The following TMEM62 variants were observed in gnomAD, a reference collection of about 807,000 sequenced individuals.
The protein encoded by TMEM62 is transmembrane protein 62.
Under a neutral mutation model 70.4 loss-of-function variants are expected in TMEM62, and 41 were observed. That is an observed-to-expected ratio of 0.58 (90% CI 0.45 to 0.76). The LOEUF (loss-of-function observed/expected upper bound fraction) is 0.76, where lower values mean the gene tolerates loss of function less well. Among genes scored for constraint, TMEM62 ranks in the 30% least tolerant of loss-of-function variants. The pLI is 0.00. For synonymous variants in TMEM62, 268 were observed against 291.0 expected (o/e 0.92, Z 0.80); for missense variants, 688 against 788.5 (o/e 0.87, Z 1.53).
At chr15:43,160,608 C>A in intron 9 of TMEM62, 73 bp from the exon 10 acceptor site, 1 of 758,710 alleles carries the variant, frequency 1.3e-6, no homozygotes, top group Non-Finnish European at 2.1e-6. Context: ...GAAACCTATT[C>A]TTATTTTAAT....
intron 5 of TMEM62, among the ~76,000 whole-genome samples, chr15:43,147,656 GC>G (rs1032306320): frequency 6.6e-6 from 1 of 152,200 alleles, no homozygotes; most frequent in African/African-American, 2.4e-5. Context: ...ATTGTCAAAT[GC>G]ATTGTGTTAC....
At chr15:43,159,147 C>T (rs1397423845) in intron 9 of TMEM62, among the ~76,000 whole-genome samples, 1 of 152,110 alleles carries the variant, frequency 6.6e-6, no homozygotes. Context: ...CTGTGGGTTA[C>T]ATGAGGTGTT....
intron 11 of TMEM62, among the ~76,000 whole-genome samples, chr15:43,178,290 T>C (rs2040977271): frequency 6.6e-6 from 1 of 151,966 alleles, no homozygotes; most frequent in South Asian, 2.1e-4. Flanking sequence ...TATATGTATA[T>C]GTACATATAT....
At chr15:43,152,928 A>T (rs552159643) in intron 8 of TMEM62, among the ~76,000 whole-genome samples, 2 of 152,284 alleles carry the variant, frequency 1.3e-5, no homozygotes, top group South Asian at 4.1e-4. Flanking sequence ...ATTTCTTCTC[A>T]GGCATTCTCT....
intron 11 of TMEM62, among the ~76,000 whole-genome samples, chr15:43,176,154 C>T (rs1242035899): frequency 6.6e-6 from 1 of 152,272 alleles, no homozygotes; most frequent in South Asian, 2.1e-4. Context: ...ATTGCCCAGG[C>T]TTGCTTAGGT....
intron 12 of TMEM62, among the ~76,000 whole-genome samples, chr15:43,179,303 A>G (rs1003734256): frequency 5.9e-5 from 9 of 152,238 alleles, no homozygotes; most frequent in Non-Finnish European, 1.5e-5. Flanking sequence ...TTGAATATTT[A>G]CTAATGTGTG....
intron 10 of TMEM62, among the ~76,000 whole-genome samples, chr15:43,167,284 G>A (rs1369126414): frequency 3.3e-5 from 5 of 150,892 alleles, no homozygotes; most frequent in Admixed American, 6.6e-5. Flanking sequence ...CCTCCCTCCC[G>A]GACGGGGTGG....
At chr15:43,155,624 A>T (rs2037956649) in intron 9 of TMEM62, among the ~76,000 whole-genome samples, 1 of 152,036 alleles carries the variant, frequency 6.6e-6, no homozygotes, top group Non-Finnish European at 1.5e-5. Context: ...GTGGCCATAG[A>T]CTCCCTTTTT....
At chr15:43,169,523 G>T in intron 10 of TMEM62, 70 bp from the exon 11 acceptor site, 2 of 1,344,380 alleles carry the variant, frequency 1.5e-6, no homozygotes, top group Non-Finnish European at 2.1e-6. Context: ...TGTTAATAAG[G>T]CTACTTTAAA....
chr15:43,178,536 T>A, intron 11 of TMEM62, 71 bp from the exon 12 acceptor site: 2 of 962,884 alleles, frequency 2.1e-6, no homozygotes, highest in South Asian at 1.5e-5. Context: ...CATGAAAATC[T>A]TCTAGAAAAT....
intron 11 of TMEM62, among the ~76,000 whole-genome samples, chr15:43,174,645 C>G (rs2040545039): frequency 6.6e-6 from 1 of 152,104 alleles, no homozygotes; most frequent in Non-Finnish European, 1.5e-5. Context: ...GATTAGAAAA[C>G]AAAGGTTTTG....
chr15:43,137,528 G>A (rs931724398), intron 3 of TMEM62, among the ~76,000 whole-genome samples: 2 of 152,268 alleles, frequency 1.3e-5, no homozygotes, highest in Non-Finnish European at 2.9e-5. Context: ...CTACAGTCAC[G>A]CCATGCCTAG....
chr15:43,138,722 GA>G, intron 4 of TMEM62, 103 bp downstream of exon 4: 1 of 980,610 alleles, frequency 1.0e-6, no homozygotes, highest in South Asian at 1.5e-5. Context: ...AACATTTTAA[GA>G]GGCAGGGGTC....
chr15:43,137,695 C>T (rs1448450420), intron 3 of TMEM62, among the ~76,000 whole-genome samples: 2 of 152,318 alleles, frequency 1.3e-5, no homozygotes, highest in East Asian at 3.9e-4. Context: ...CTCCACTGCC[C>T]GGGAATCATG....
In TMEM62 at chr15:43,154,700, A is replaced by G; in HGVS notation, c.1051A>G (p.Thr351Ala). The change falls in exon 9 of 14, where the codon ACT becomes GCT. Residue 351 changes from threonine to alanine, a missense_variant. Transcript: ENST00000260403. ...RVLAFSLSSI[T>A]SVTVKIDGVH... ...CTTGGCCTTTTCCTTATCCTCCATTACTTCTGTCACAGTTAAGATTGATGG... is the reference window on the plus strand; with the variant it reads ...CTTGGCCTTTTCCTTATCCTCCATTGCTTCTGTCACAGTTAAGATTGATGG... 1 of 1,611,822 alleles carries G rather than the reference A, an allele frequency of 6.2e-7. No homozygotes were observed. Among genetic ancestry groups the G allele is most frequent in the East Asian group, 2.2e-5 (1 of 44,848 alleles).
intron 11 of TMEM62, among the ~76,000 whole-genome samples, chr15:43,178,129 C>A (rs889283331): frequency 6.6e-6 from 1 of 151,814 alleles, no homozygotes; most frequent in Non-Finnish European, 1.5e-5. Flanking sequence ...TTTTGATATA[C>A]CTTTTTGAAG....
At chr15:43,150,208 G>C (rs2037193545) in intron 7 of TMEM62, among the ~76,000 whole-genome samples, 1 of 152,216 alleles carries the variant, frequency 6.6e-6, no homozygotes, top group South Asian at 2.1e-4. Flanking sequence ...AAAACTGTGT[G>C]AGTTATGCTT....
At chr15:43,177,126 A>T (rs2040843112) in intron 11 of TMEM62, among the ~76,000 whole-genome samples, 1 of 151,896 alleles carries the variant, frequency 6.6e-6, no homozygotes, top group Admixed American at 6.6e-5. Flanking sequence ...GCGAGAAGGG[A>T]AGTTTAGAGA....
intron 10 of TMEM62, among the ~76,000 whole-genome samples, chr15:43,165,843 T>G (rs1399665951): frequency 1.3e-5 from 2 of 152,236 alleles, no homozygotes; most frequent in Non-Finnish European, 2.9e-5. Flanking sequence ...TTCATTGAGC[T>G]TCCTCAAAAC....
Sources: gnomAD v4.1 joint callset for allele counts (sites outside exome capture counted in the v4.1 genomes callset) on GRCh38, gnomAD v4.1.1 for gene constraint, MANE v1.5 for transcripts, NCBI Gene and HGNC (gene_info 2026-07-23, HGNC 2026-07-21) for gene names.